CUL5: variants seen among roughly 807,000 people sequenced by gnomAD.
CUL5 encodes cullin-5.
Under a neutral mutation model 108.8 loss-of-function variants are expected in CUL5, and 26 were observed. The ratio of observed to expected loss-of-function variants is 0.24; its 90% CI spans 0.18 to 0.33. The LOEUF is 0.33. CUL5 is among the 10% of genes least tolerant of loss of function. The pLI is 1.00. For missense variants in CUL5, 524 were observed against 909.2 expected (o/e 0.58, Z 5.45); for synonymous variants, 334 against 298.0 (o/e 1.12, Z -1.25).
intron 1 of CUL5, among the ~76,000 whole-genome samples, chr11:108,015,845 T>C (rs1862173672): frequency 6.6e-6 from 1 of 152,138 alleles, no homozygotes; most frequent in Non-Finnish European, 1.5e-5. Context: ...TTCAGTAGAT[T>C]AGAGGAGGGG....
intron 7 of CUL5, among the ~76,000 whole-genome samples, chr11:108,062,367 G>A (rs78444340): frequency 0.01 from 1,534 of 152,098 alleles, 34 homozygotes; most frequent in African/African-American, 0.035. Flanking sequence ...TGACTTTCAG[G>A]AATGTAGTCC....
intron 11 of CUL5, among the ~76,000 whole-genome samples, chr11:108,084,425 G>A (rs1864175073): frequency 6.6e-6 from 1 of 152,162 alleles, no homozygotes. Flanking sequence ...TGTTTTGGTG[G>A]TCACACAGGA....
At chr11:108,052,893 A>T (rs1180660527) in intron 5 of CUL5, 92 bp downstream of exon 5, 8 of 1,083,104 alleles carry the variant, frequency 7.4e-6, no homozygotes, top group Non-Finnish European at 8.9e-6. Context: ...GTTTATTGGC[A>T]TACAAAGTTA....
chr11:108,060,343 T>G (rs2135153679), intron 7 of CUL5, among the ~76,000 whole-genome samples: 1 of 152,286 alleles, frequency 6.6e-6, no homozygotes, highest in East Asian at 1.9e-4. Flanking sequence ...CTTGTATGGT[T>G]AAGGGCCTGA....
chr11:108,027,430 C>G (rs1862479007), intron 1 of CUL5, among the ~76,000 whole-genome samples: 1 of 152,106 alleles, frequency 6.6e-6, no homozygotes, highest in South Asian at 2.1e-4. Flanking sequence ...TACCACCACA[C>G]CCAGCTGATT....
At chr11:108,073,094 T>C (rs1008315316) in intron 9 of CUL5, among the ~76,000 whole-genome samples, 5 of 150,626 alleles carry the variant, frequency 3.3e-5, no homozygotes, top group African/African-American at 1.2e-4. Flanking sequence ...CCCAGCTACT[T>C]GGGAGGGTGA....
Position 108,043,355 on chromosome 11 carries a change from T to G in CUL5, c.135-2915T>G, listed in dbSNP as rs1440303858. Among the ~76,000 whole-genome samples, 3 of 152,362 alleles carry G rather than the reference T, an allele frequency of 2.0e-5. No individual in the cohort carries two copies. In the East Asian group the frequency reaches 5.8e-4, roughly 29 times the overall value. On this transcript the variant is annotated intron_variant, in intron 2 of 18. Coordinates refer to ENST00000393094, the MANE Select transcript of CUL5 (RefSeq NM_003478.6). ...TCCAAGAGTGCTAGGATTACAGACA[T>G]GAGCCAATATGCCTGGCCCAGTCTC...
intron 12 of CUL5, 125 bp from the exon 13 acceptor site, chr11:108,089,367 A>C (rs1864297364): frequency 2.3e-5 from 13 of 563,420 alleles, no homozygotes; most frequent in Non-Finnish European, 3.9e-5. Flanking sequence ...ATAATTCAGT[A>C]GGCCTCTATC....
At chr11:108,102,117 G>C (rs1472918181) in intron 18 of CUL5, among the ~76,000 whole-genome samples, 2 of 152,074 alleles carry the variant, frequency 1.3e-5, no homozygotes, top group African/African-American at 4.8e-5. Flanking sequence ...CACCTCCCAG[G>C]TTCAAATGAT....
chr11:108,036,246 A>C (rs960934624), intron 2 of CUL5, among the ~76,000 whole-genome samples: 1 of 152,184 alleles, frequency 6.6e-6, no homozygotes. Context: ...AGTAAATATC[A>C]TCCATTGTGG....
chr11:108,085,942 A>G (rs1475398689), intron 11 of CUL5, among the ~76,000 whole-genome samples: 1 of 152,202 alleles, frequency 6.6e-6, no homozygotes, highest in Non-Finnish European at 1.5e-5. Flanking sequence ...AAGTGAGTGA[A>G]TTGTATGGTT....
rs997480785 is a variant in CUL5 at position 108,044,439 on chromosome 11, T to C, written c.135-1831T>C. Among the ~76,000 whole-genome samples the C allele has an allele frequency of 5.9e-5, 9 of 151,994 alleles. No individual in the cohort carries two copies. The East Asian group carries it at 1.2e-3, about 20-fold the overall frequency. On this transcript the variant is annotated intron_variant, in intron 2 of 18. Transcript: ENST00000393094. The stretch of plus-strand genomic sequence containing the variant: ...CTGAGGCAGGGTTGAGCCCAGGAGG[T>C]TGAGGCTGCAGTGAGCTGTGTTCAT...
chr11:108,015,814 G>A (rs10890797), intron 1 of CUL5, among the ~76,000 whole-genome samples: 151,593 of 152,352 alleles, frequency 1, 75,424 homozygotes, highest in Middle Eastern at 1. Context: ...GCAGCTCAGG[G>A]TAAATTTTGA....
At chr11:108,036,389 A>G (rs888975691) in intron 2 of CUL5, among the ~76,000 whole-genome samples, 5 of 152,356 alleles carry the variant, frequency 3.3e-5, no homozygotes, top group Middle Eastern at 3.4e-3. Flanking sequence ...GACTAGCAGC[A>G]TATTACATAT....
chr11:108,090,714 T>C (rs1427290460), intron 13 of CUL5, among the ~76,000 whole-genome samples: 1 of 152,208 alleles, frequency 6.6e-6, no homozygotes, highest in Non-Finnish European at 1.5e-5. Flanking sequence ...TTTTAATTAT[T>C]AAAGTAAATA....
chr11:108,087,272 C>T (rs1864241444), intron 11 of CUL5, among the ~76,000 whole-genome samples: 1 of 152,170 alleles, frequency 6.6e-6, no homozygotes, highest in Non-Finnish European at 1.5e-5. Flanking sequence ...AGAGTTGATG[C>T]ATCCAGTAAA....
chr11:108,094,251 T>C (rs1357793997), intron 13 of CUL5, 140 bp from the exon 14 acceptor site: 2 of 611,524 alleles, frequency 3.3e-6, no homozygotes, highest in African/African-American at 3.9e-5. Context: ...ATTTCATAGG[T>C]ATTAGACAAT....
chr11:108,019,121 G>A (rs2075686292), intron 1 of CUL5, among the ~76,000 whole-genome samples: 1 of 146,148 alleles, frequency 6.8e-6, no homozygotes, highest in African/African-American at 2.5e-5. Context: ...GGGAGGATGT[G>A]CATGGGTAAT....
intron 7 of CUL5, among the ~76,000 whole-genome samples, chr11:108,064,173 C>CT (rs1449995493): frequency 1.3e-5 from 2 of 152,040 alleles, no homozygotes; most frequent in African/African-American, 4.8e-5. Flanking sequence ...TCTCATGTGG[C>CT]TTTTATTATG....
Sources: allele counts gnomAD v4.1 joint callset (sites outside exome capture counted in the v4.1 genomes callset), GRCh38; gene constraint gnomAD v4.1.1; transcripts MANE v1.5; gene names NCBI Gene and HGNC (gene_info 2026-07-23, HGNC 2026-07-21).